CARS2: variants seen among roughly 807,000 people sequenced by gnomAD.
CARS2 encodes cysteinyl-tRNA synthetase 2, mitochondrial, also known as probable cysteine--tRNA ligase, mitochondrial.
CARS2 carries 52 observed loss-of-function variants against 68.8 expected under a neutral mutation model. The observed-to-expected ratio is 0.76, with a 90% CI of 0.61 to 0.95. The LOEUF is 0.95. Ranked by LOEUF, CARS2 falls within the 40% of genes least tolerant of loss-of-function variation. The probability of loss-of-function intolerance (pLI) is 0.00; values close to 1 mark genes in which losing one functional copy is unlikely to be tolerated. For missense variants in CARS2, 780 were observed against 754.2 expected (o/e 1.03, Z -0.40); for synonymous variants, 314 against 303.6 (o/e 1.03, Z -0.36).
intron 8 of CARS2, chr13:110,666,482 G>A (rs2062652169): frequency 1.0e-6 from 1 of 985,198 alleles, no homozygotes; most frequent in South Asian, 4.7e-5. Context: ...CGCCTGCTGG[G>A]TTCCCCGACT....
chr13:110,666,245 G>A (rs1198569885), intron 8 of CARS2: 3 of 985,322 alleles, frequency 3.0e-6, no homozygotes, highest in Non-Finnish European at 3.6e-6. Context: ...AGCTGAAACG[G>A]AAGTGAGGGC....
intron 10 of CARS2, among the ~76,000 whole-genome samples, chr13:110,650,055 G>C (rs2062163878): frequency 6.7e-6 from 1 of 149,462 alleles, no homozygotes; most frequent in African/African-American, 2.5e-5. Context: ...TCCTGCCTCA[G>C]CCTCCTGAGT....
In CARS2 at chr13:110,665,253, C is replaced by T; in HGVS notation, c.920-1735G>A. On this transcript the variant is annotated intron_variant, in intron 8 of 14. Transcript: ENST00000257347. This position sits in a 1 kb window ranked among gnomAD's most constrained non-coding sequence, Gnocchi z 4.3. ...TTGAGGTCAGGGGTTTGAGCCCAGC[C>T]TGGCCAACATGGTGAAACCCTGCTT... 1 of 785,964 alleles carries T rather than the reference C, an allele frequency of 1.3e-6. No homozygotes were observed. Among genetic ancestry groups the T allele is most frequent in the Non-Finnish European group, 1.5e-6 (1 of 648,050 alleles). The allele number at this position is 785,964 out of a possible 1,614,324, so 48.7% of individuals were successfully genotyped here.
At chr13:110,649,807 C>T (rs2062152314) in intron 10 of CARS2, among the ~76,000 whole-genome samples, 1 of 152,180 alleles carries the variant, frequency 6.6e-6, no homozygotes, top group Non-Finnish European at 1.5e-5. Context: ...AGGACACTGG[C>T]CCTGCTCCTG....
upstream of CARS2, among the ~76,000 whole-genome samples, chr13:110,708,273 G>C (rs895486769): frequency 2.0e-5 from 3 of 152,170 alleles, no homozygotes; most frequent in African/African-American, 7.2e-5. Context: ...AAGAAATCTG[G>C]GTAGTAAAAT....
At chr13:110,659,088 T>C in intron 9 of CARS2, among the ~76,000 whole-genome samples, 1 of 152,180 alleles carries the variant, frequency 6.6e-6, no homozygotes. Context: ...TATTTCCTAA[T>C]GGTCAATAAC....
intron 11 of CARS2, chr13:110,646,806 T>C: frequency 2.9e-6 from 1 of 342,278 alleles, no homozygotes. Context: ...CGGGAGCCCC[T>C]GACCCCACAC....
intron 5 of CARS2, among the ~76,000 whole-genome samples, chr13:110,686,972 C>T (rs1257999730): frequency 6.6e-6 from 1 of 152,094 alleles, no homozygotes; most frequent in South Asian, 2.1e-4. Flanking sequence ...ACTCCCGCAA[C>T]TCACTCGTAA....
At chr13:110,647,356 G>T in intron 10 of CARS2, 117 bp from the exon 11 acceptor site, 1 of 1,283,122 alleles carries the variant, frequency 7.8e-7, no homozygotes, top group Non-Finnish European at 1.1e-6. Flanking sequence ...CGGAGAGCGG[G>T]ACATGTGGCT....
In CARS2 at chr13:110,667,569, A is replaced by G. The variant is rs951330422; in HGVS notation, c.786-96T>C. On this transcript the variant is annotated intron_variant, in intron 7 of 14. Transcript: ENST00000257347. ...TATTCCTTCCAGCCTTTTTAATTCA[A>G]TGAATAAATGGATCTCAGTTTTGCA... The G allele has an allele frequency of 7.4e-6, 8 of 1,074,616 alleles. No homozygotes were observed. In the African/African-American group the frequency reaches 9.7e-5, roughly 13 times the overall value. 66.6% of individuals were successfully genotyped at this position (1,074,616 alleles called of 1,614,324 possible). A position where few individuals can be genotyped will look rare whatever the true frequency, so the allele number is the denominator to read the frequency against.
intron 6 of CARS2, among the ~76,000 whole-genome samples, chr13:110,681,714 A>C (rs1205302526): frequency 6.6e-6 from 1 of 152,186 alleles, no homozygotes; most frequent in Non-Finnish European, 1.5e-5. Flanking sequence ...AGCTGCTGTA[A>C]ATTCAGACAC....
At chr13:110,701,042 T>C (rs377141948) in intron 3 of CARS2, among the ~76,000 whole-genome samples, 1 of 152,178 alleles carries the variant, frequency 6.6e-6, no homozygotes, top group African/African-American at 2.4e-5. Context: ...GAACTACTTG[T>C]AAAATGCAAA....
intron 10 of CARS2, among the ~76,000 whole-genome samples, chr13:110,649,931 C>CTTTTTTTTTTTTTTTT (rs59276783): frequency 2.9e-4 from 21 of 73,140 alleles, no homozygotes; most frequent in African/African-American, 9.9e-4. Flanking sequence ...TGGATAACGA[C>CTTTTTTTTTTTTTTTT]TTTTTTTTTT....
chr13:110,664,954 C>T (rs993682670), intron 8 of CARS2: 4 of 955,838 alleles, frequency 4.2e-6, no homozygotes, highest in Non-Finnish European at 5.0e-6. Context: ...TCATAACACG[C>T]CCGCTTTCAG....
At chr13:110,651,977 C>T (rs1487304692) in intron 9 of CARS2, among the ~76,000 whole-genome samples, 5 of 152,236 alleles carry the variant, frequency 3.3e-5, no homozygotes, top group East Asian at 1.9e-4. Context: ...TGGCCAGGGA[C>T]GCGCTCCGAC....
intron 7 of CARS2, among the ~76,000 whole-genome samples, chr13:110,674,560 A>AGT (rs2062892009): frequency 2.0e-5 from 3 of 152,292 alleles, no homozygotes; most frequent in Admixed American, 2.0e-4. Context: ...AATTAATTCA[A>AGT]GATGGATTAA....
At chr13:110,664,894 T>C in intron 8 of CARS2, 1 of 645,680 alleles carries the variant, frequency 1.5e-6, no homozygotes. Context: ...GCCAGTGCGC[T>C]GACGCAGGAC....
At chr13:110,679,583 GAA>G (rs2063083665) in intron 6 of CARS2, among the ~76,000 whole-genome samples, 1 of 18,942 alleles carries the variant, frequency 5.3e-5, no homozygotes, top group Non-Finnish European at 1.9e-4. Flanking sequence ...GAGAAAGAAA[GAA>G]AGAAAGAAAG....
Position 110,649,987 on chromosome 13 carries a change from G to T in CARS2, c.1054+1047C>A, listed in dbSNP as rs567101547. 1.0e-4 allele frequency among the ~76,000 whole-genome samples: 15 copies of T among 145,142 alleles called. No homozygotes were observed. In the East Asian group the frequency reaches 2.9e-3, roughly 28 times the overall value. Reference sequence around the variant, plus strand: ...GGGTCTTGCTCTGTTACCCAGGCTGGAGTGCAGTGGTGCGATCTCAGCTCA... The same window carrying T: ...GGGTCTTGCTCTGTTACCCAGGCTGTAGTGCAGTGGTGCGATCTCAGCTCA... On this transcript the variant is annotated intron_variant, in intron 10 of 14. Coordinates refer to ENST00000257347, the MANE Select transcript of CARS2 (RefSeq NM_024537.4).
Sources: allele counts gnomAD v4.1 joint callset (sites outside exome capture counted in the v4.1 genomes callset), GRCh38; gene constraint gnomAD v4.1.1; non-coding constraint Gnocchi (gnomAD v3.1); transcripts MANE v1.5; gene names NCBI Gene and HGNC (gene_info 2026-07-23, HGNC 2026-07-21).